The following TYW1B variants were observed in gnomAD, a reference collection of about 807,000 sequenced individuals.
TYW1B encodes the protein tRNA-yW synthesizing protein 1 homolog B.
TYW1B carries 73 observed loss-of-function variants against 86.9 expected under a neutral mutation model. The ratio of observed to expected loss-of-function variants is 0.84; its 90% confidence interval spans 0.70 to 1.02. TYW1B has a LOEUF of 1.02. Among genes scored for constraint, TYW1B ranks in the 50% least tolerant of loss-of-function variants. TYW1B has a pLI of 0.00. For missense variants in TYW1B, 637 were observed against 827.4 expected, an observed-to-expected ratio of 0.77 and a Z score of 2.82; for synonymous variants, 248 against 292.8, an observed-to-expected ratio of 0.85 and a Z score of 1.56.
In TYW1B at chr7:72,694,584, G is replaced by T. The variant is rs1467953788; in HGVS notation, c.1506+103C>A. The T allele has an allele frequency of 2.2e-6, 3 of 1,336,258 alleles. No individual in the cohort carries two copies. In the Admixed American group the frequency reaches 9.8e-5, roughly 44 times the overall value. 82.8% of individuals were successfully genotyped at this position (1,336,258 alleles called of 1,614,324 possible). ...ATCTTTTTTTATTTTAAAGAGAAAA[G>T]AGGAAAAAGTACCTCTGTTCTTTTC... On this transcript the variant is annotated intron_variant, in intron 11 of 13. Transcript: ENST00000620995.
At chr7:72,719,852 C>G (rs1786863432) in intron 9 of TYW1B, among the ~76,000 whole-genome samples, 1 of 152,058 alleles carries the variant, frequency 6.6e-6, no homozygotes, top group South Asian at 2.1e-4. Context: ...GGAGGAAAGA[C>G]CCCAAGGTGG....
At position 72,574,768 on chromosome 7, in the gene TYW1B, T is replaced by G. The variant is rs1554428129; in HGVS notation, c.*730A>C. 4 of 985,152 alleles carry G rather than the reference T, an allele frequency of 4.1e-6. No homozygotes were observed. The highest frequency in any genetic ancestry group is 4.8e-6 in the Non-Finnish European group (4 of 829,918). 61.0% of individuals were successfully genotyped at this position (985,152 alleles called of 1,614,324 possible). A position where few individuals can be genotyped will look rare whatever the true frequency, so the allele number is the denominator to read the frequency against. Reference sequence around the variant, plus strand: ...AAATGATCCTCTTCAGTCCAAAGTGTGTTTGTGAGACTAATGACTCCATGC... The same window carrying G: ...AAATGATCCTCTTCAGTCCAAAGTGGGTTTGTGAGACTAATGACTCCATGC... On this transcript the variant is annotated 3_prime_UTR_variant, in exon 14 of 14. Transcript: ENST00000620995.
At chr7:72,623,073 A>G (rs1812265054) in intron 12 of TYW1B, among the ~76,000 whole-genome samples, 1 of 152,236 alleles carries the variant, frequency 6.6e-6, no homozygotes, top group African/African-American at 2.4e-5. Context: ...GGTTAGTGCT[A>G]CAAGCAAAAT....
intron 9 of TYW1B, among the ~76,000 whole-genome samples, chr7:72,716,761 C>T (rs1347828714): frequency 6.6e-6 from 1 of 151,812 alleles, no homozygotes; most frequent in African/African-American, 2.4e-5. Flanking sequence ...GCCTCAGCCT[C>T]CTCAGTATCT....
intron 11 of TYW1B, among the ~76,000 whole-genome samples, chr7:72,686,783 G>T (rs1409001753): frequency 6.6e-6 from 1 of 152,052 alleles, no homozygotes; most frequent in African/African-American, 2.4e-5. Context: ...TTGATAAGGA[G>T]GTAATGTATG....
chr7:72,675,943 A>G (rs1458859673), intron 11 of TYW1B, among the ~76,000 whole-genome samples: 2 of 152,154 alleles, frequency 1.3e-5, no homozygotes, highest in African/African-American at 4.8e-5. Context: ...TTAACATCAC[A>G]CTACATAACA....
chr7:72,603,278 G>A (rs760367997), intron 13 of TYW1B, among the ~76,000 whole-genome samples: 8 of 151,524 alleles, frequency 5.3e-5, no homozygotes, highest in Non-Finnish European at 8.8e-5. Context: ...ACAGACAGAC[G>A]ACAGACAAAC....
At chr7:72,751,712 G>A (rs1373585056) in intron 7 of TYW1B, among the ~76,000 whole-genome samples, 1 of 152,272 alleles carries the variant, frequency 6.6e-6, no homozygotes, top group Non-Finnish European at 1.5e-5. Context: ...GTTTTCTTGT[G>A]TCCTAGACAT....
At chr7:72,758,879 A>G (rs1787640423) in intron 7 of TYW1B, among the ~76,000 whole-genome samples, 1 of 152,144 alleles carries the variant, frequency 6.6e-6, no homozygotes, top group South Asian at 2.1e-4. Flanking sequence ...GCCTCATTTA[A>G]TATCTCATTT....
chr7:72,648,120 G>GT (rs1466520882), intron 11 of TYW1B, among the ~76,000 whole-genome samples: 1 of 152,114 alleles, frequency 6.6e-6, no homozygotes, highest in Non-Finnish European at 1.5e-5. Context: ...TACAACAAAA[G>GT]TTTTGGGATC....
At chr7:72,668,926 G>A (rs1370373482) in intron 11 of TYW1B, among the ~76,000 whole-genome samples, 4 of 151,954 alleles carry the variant, frequency 2.6e-5, no homozygotes, top group African/African-American at 9.7e-5. Context: ...GAAACTATCT[G>A]TCTCCCACAC....
chr7:72,811,082 T>C (rs1202549985), intron 3 of TYW1B, among the ~76,000 whole-genome samples: 2 of 151,646 alleles, frequency 1.3e-5, no homozygotes, highest in Non-Finnish European at 2.9e-5. Flanking sequence ...CCATCCTGGC[T>C]AACACGGTGA....
chr7:72,774,474 G>A lies in TYW1B; in HGVS notation c.964+2942C>T, dbSNP rs562137993. On this transcript the variant is annotated intron_variant, in intron 7 of 13. Coordinates refer to ENST00000620995, the MANE Select transcript of TYW1B (RefSeq NM_001145440.3). ...ACCGTGGCTCAAGTCTGTAATCCCA[G>A]CACTTTGGGAGGCCAAGGTGGGCAG... 2.2e-3 allele frequency among the ~76,000 whole-genome samples: 328 copies of A among 151,232 alleles called. 1 individual carries two copies. Among genetic ancestry groups the A allele is most frequent in the Admixed American group, 5.9e-3 (89 of 15,172 alleles).
At chr7:72,710,496 G>A (rs1786629558) in intron 10 of TYW1B, among the ~76,000 whole-genome samples, 1 of 152,072 alleles carries the variant, frequency 6.6e-6, no homozygotes, top group Admixed American at 6.6e-5. Flanking sequence ...TTGCCTGGTA[G>A]CTAATAATTT....
intron 10 of TYW1B, among the ~76,000 whole-genome samples, chr7:72,697,394 G>A (rs1814348121): frequency 2.0e-5 from 3 of 152,156 alleles, no homozygotes; most frequent in South Asian, 4.2e-4. Context: ...CAGATCTCTC[G>A]TCAAGGAGCA....
intron 7 of TYW1B, among the ~76,000 whole-genome samples, chr7:72,774,299 G>A (rs782049173): frequency 8.7e-5 from 13 of 149,746 alleles, no homozygotes; most frequent in South Asian, 2.1e-4. Context: ...ATACTGAGCC[G>A]GCTCTTGTCT....
At chr7:72,635,997 T>A (rs1466454589) in intron 11 of TYW1B, among the ~76,000 whole-genome samples, 1 of 152,242 alleles carries the variant, frequency 6.6e-6, no homozygotes, top group African/African-American at 2.4e-5. Flanking sequence ...AATGGTCACA[T>A]GTAGCTAGTG....
At position 72,763,529 on chromosome 7, in the gene TYW1B, G is replaced by A. The variant is rs368683734; in HGVS notation, c.964+13887C>T. On this transcript the variant is annotated intron_variant, in intron 7 of 13. Transcript: ENST00000620995. ...AAACTCCTGACCTTGTGATCCACCC[G>A]CCTCGGCCTCCCAAAGCACTGGGAT... Among the ~76,000 whole-genome samples the A allele has an allele frequency of 8.0e-4, 122 of 152,080 alleles. 1 individual carries two copies. Among genetic ancestry groups the A allele is most frequent in the African/African-American group, 2.7e-3 (111 of 41,498 alleles).
intron 7 of TYW1B, among the ~76,000 whole-genome samples, chr7:72,745,888 G>GTAGTCTCACTCTGTCA: frequency 7.1e-6 from 1 of 141,638 alleles, no homozygotes; most frequent in African/African-American, 2.7e-5. Context: ...GTGTGTGTGT[G>GTAGTCTCACTCTGTCA]TAGTCTCACT....
Sources: gnomAD v4.1 joint callset for allele counts (sites outside exome capture counted in the v4.1 genomes callset) on GRCh38, gnomAD v4.1.1 for gene constraint, MANE v1.5 for transcripts, NCBI Gene and HGNC (gene_info 2026-07-23, HGNC 2026-07-21) for gene names.